Variants in IQCM observed in about 807,000 individuals in gnomAD.
IQCM encodes IQ domain-containing protein M.
A neutral mutation model predicts 57.6 loss-of-function variants in IQCM; 45 were observed. The ratio of observed to expected loss-of-function variants is 0.78; its 90% CI spans 0.62 to 1.00. IQCM has a LOEUF of 1.00. Ranked by LOEUF, IQCM falls within the 50% of genes least tolerant of loss-of-function variation. IQCM has a pLI of 0.00. For missense variants in IQCM, 468 were observed against 511.6 expected (o/e 0.91, Z 0.82); for synonymous variants, 148 against 158.9 (o/e 0.93, Z 0.51).
chr4:149,733,850 T>C (rs1184108731), intron 4 of IQCM, among the ~76,000 whole-genome samples: 1 of 152,168 alleles, frequency 6.6e-6, no homozygotes, highest in African/African-American at 2.4e-5. Flanking sequence ...GTTTTTCAAA[T>C]AGACATGTAA....
At chr4:149,765,163 A>G (rs943136039) in intron 2 of IQCM, among the ~76,000 whole-genome samples, 6 of 152,144 alleles carry the variant, frequency 3.9e-5, no homozygotes, top group Admixed American at 6.6e-5. Context: ...ACACTAATGC[A>G]TCTTATGTAC....
chr4:149,368,261 A>T (rs1449822156), intron 13 of IQCM, among the ~76,000 whole-genome samples: 1 of 151,918 alleles, frequency 6.6e-6, no homozygotes, highest in Non-Finnish European at 1.5e-5. Flanking sequence ...AATTTTTTCA[A>T]TTACTTCTTT....
chr4:149,409,125 G>A (rs746079135), intron 13 of IQCM, among the ~76,000 whole-genome samples: 37 of 152,146 alleles, frequency 2.4e-4, no homozygotes, highest in Non-Finnish European at 4.7e-4. Flanking sequence ...AGAGGTCTTG[G>A]GCTACTTCCA....
At position 149,733,304 on chromosome 4, in the gene IQCM, T is replaced by C. The variant is rs531209439; in HGVS notation, c.325A>G (p.Lys109Glu). The change falls in exon 5 of 14, where the codon AAG becomes GAG. Residue 109 changes from lysine to glutamate, a missense_variant. Physicochemically the swap from Lys to Glu is moderately conservative, Grantham distance 56. Coordinates refer to ENST00000636793, the MANE Select transcript of IQCM (RefSeq NM_001363507.2). The part of the protein sequence containing the change: ...LQEPPQRISF[K>E]EPHIFSRRER... ...CTTCTACTAAAAATGTGTGGTTCCT[T>C]GAAGGAGATTCGTTGTGGGGGTTCC... is the stretch of plus-strand genomic sequence containing the variant. The C allele has an allele frequency of 8.9e-6, 11 of 1,231,382 alleles. No homozygotes were observed. The African/African-American group carries it at 1.7e-4, about 19-fold the overall frequency. 76.3% of individuals were successfully genotyped at this position (1,231,382 alleles called of 1,614,324 possible).
intron 12 of IQCM, among the ~76,000 whole-genome samples, chr4:149,474,824 G>A (rs1457462874): frequency 6.6e-6 from 1 of 152,140 alleles, no homozygotes; most frequent in African/African-American, 2.4e-5. Flanking sequence ...TTAGCTGGAT[G>A]AAAATCTGAG....
At chr4:149,487,815 G>T (rs572275682) in intron 12 of IQCM, among the ~76,000 whole-genome samples, 1 of 152,098 alleles carries the variant, frequency 6.6e-6, no homozygotes, top group Non-Finnish European at 1.5e-5. Flanking sequence ...TGGGAGATGG[G>T]GGTGAGTGAT....
At chr4:149,565,699 T>C (rs1264719627) in intron 9 of IQCM, among the ~76,000 whole-genome samples, 1 of 152,174 alleles carries the variant, frequency 6.6e-6, no homozygotes, top group Non-Finnish European at 1.5e-5. Context: ...GTGAGATTTG[T>C]TGAAGCACAG....
intron 7 of IQCM, among the ~76,000 whole-genome samples, chr4:149,658,295 GA>G (rs1037025313): frequency 6.6e-6 from 1 of 151,712 alleles, no homozygotes; most frequent in Non-Finnish European, 1.5e-5. Context: ...CACTTTTGTT[GA>G]AAATCAGTTG....
At position 149,774,515 on chromosome 4, in the gene IQCM, AG is replaced by A. The variant is rs1271837056; in HGVS notation, c.-48-31777del. On this transcript the variant is annotated intron_variant, in intron 2 of 13. Transcript: ENST00000636793. ...TGGTGCCCTGCATTTGCATATTAAA[AG>A]GCTAGGGTGGGAAGGCCAGCTTTTT... Among the ~76,000 whole-genome samples, 8 of 152,176 alleles carry A rather than the reference AG, an allele frequency of 5.3e-5. No individual in the cohort carries two copies. In the East Asian group the frequency reaches 1.5e-3, roughly 29 times the overall value.
chr4:149,731,256 A>T (rs1370084527), intron 5 of IQCM, among the ~76,000 whole-genome samples: 1 of 152,220 alleles, frequency 6.6e-6, no homozygotes. Context: ...TAATGTCCTA[A>T]TAAGAGAGGT....
intron 13 of IQCM, among the ~76,000 whole-genome samples, chr4:149,422,433 T>A (rs1734183201): frequency 6.6e-6 from 1 of 152,124 alleles, no homozygotes; most frequent in Middle Eastern, 3.4e-3. Context: ...GCAGTATTTC[T>A]TTCAGATTTT....
At chr4:149,446,449 A>G (rs1736519426) in intron 12 of IQCM, among the ~76,000 whole-genome samples, 1 of 151,710 alleles carries the variant, frequency 6.6e-6, no homozygotes, top group Non-Finnish European at 1.5e-5. Context: ...ATTTATGTAA[A>G]TGATACTTTT....
chr4:149,642,645 T>A (rs1194949933), intron 7 of IQCM, among the ~76,000 whole-genome samples: 1 of 152,132 alleles, frequency 6.6e-6, no homozygotes, highest in Non-Finnish European at 1.5e-5. Context: ...ACAACAGAGA[T>A]CCTCATTGGT....
At chr4:149,557,020 A>G (rs1749653930) in intron 10 of IQCM, among the ~76,000 whole-genome samples, 1 of 152,216 alleles carries the variant, frequency 6.6e-6, no homozygotes, top group South Asian at 2.1e-4. Flanking sequence ...TTAAATATAA[A>G]TAAAAATATA....
At chr4:149,626,249 T>A (rs1756785054) in intron 7 of IQCM, among the ~76,000 whole-genome samples, 1 of 151,910 alleles carries the variant, frequency 6.6e-6, no homozygotes. Flanking sequence ...TCTCCCATGC[T>A]GGATGCTTCC....
intron 12 of IQCM, among the ~76,000 whole-genome samples, chr4:149,469,949 G>A (rs1310077815): frequency 1.3e-5 from 2 of 152,134 alleles, no homozygotes; most frequent in Non-Finnish European, 2.9e-5. Flanking sequence ...CACCAGGCCT[G>A]CCTTACAAGA....
chr4:149,562,505 C>A (rs562101762), intron 10 of IQCM, among the ~76,000 whole-genome samples: 1 of 152,242 alleles, frequency 6.6e-6, no homozygotes, highest in Admixed American at 6.5e-5. Context: ...AAAATTAGTT[C>A]ATCTCATTTT....
chr4:149,445,056 AC>A (rs1736354706), intron 12 of IQCM, among the ~76,000 whole-genome samples: 1 of 151,936 alleles, frequency 6.6e-6, no homozygotes, highest in Non-Finnish European at 1.5e-5. Context: ...GATCATAGTT[AC>A]AATATTCATT....
intron 12 of IQCM, among the ~76,000 whole-genome samples, chr4:149,477,415 T>C (rs935999599): frequency 1.3e-5 from 2 of 152,068 alleles, no homozygotes; most frequent in African/African-American, 2.4e-5. Context: ...AATTCCCCTC[T>C]GGTAAGAGGG....
Sources: gnomAD v4.1 joint callset for allele counts (sites outside exome capture counted in the v4.1 genomes callset) on GRCh38, gnomAD v4.1.1 for gene constraint, MANE v1.5 for transcripts, NCBI Gene and HGNC (gene_info 2026-07-23, HGNC 2026-07-21) for gene names.